The following FRMPD2 variants were observed in gnomAD, a reference collection of about 807,000 sequenced individuals.
The protein encoded by FRMPD2 is FERM and PDZ domain containing 2.
Under a neutral mutation model 140.1 loss-of-function variants are expected in FRMPD2, and 96 were observed. The observed-to-expected ratio is 0.69, with a 90% confidence interval of 0.58 to 0.81. The LOEUF is 0.81. FRMPD2 is among the 40% of genes least tolerant of loss of function. FRMPD2 has a pLI of 0.00. For missense variants in FRMPD2, 1,240 were observed against 1,447.4 expected (o/e 0.86, Z 2.32); for synonymous variants, 449 against 547.6 (o/e 0.82, Z 2.52).
intron 16 of FRMPD2, among the ~76,000 whole-genome samples, chr10:48,188,131 G>A (rs201551615): frequency 1.7e-4 from 26 of 152,160 alleles, no homozygotes; most frequent in East Asian, 7.7e-4. Context: ...AGCAGATTCC[G>A]CTTCCCTGGT....
intron 15 of FRMPD2, among the ~76,000 whole-genome samples, chr10:48,198,347 T>C (rs1433408219): frequency 6.6e-6 from 1 of 152,196 alleles, no homozygotes; most frequent in African/African-American, 2.4e-5. Context: ...ACTATGCTAT[T>C]CAATACAGTA....
chr10:48,184,942 G>A, intron 18 of FRMPD2, 61 bp from the exon 19 acceptor site: 1 of 1,315,570 alleles, frequency 7.6e-7, no homozygotes, highest in Non-Finnish European at 1.1e-6. Context: ...TGTTCAGAGA[G>A]GTTAGGTTAT....
At chr10:48,217,497 G>A (rs752365000) in intron 12 of FRMPD2, among the ~76,000 whole-genome samples, 5 of 152,132 alleles carry the variant, frequency 3.3e-5, no homozygotes, top group Admixed American at 6.5e-5. Context: ...TTTTCAAACC[G>A]CAGTCTGTAA....
At chr10:48,201,204 A>G (rs748949232) in intron 15 of FRMPD2, 24 bp downstream of exon 15, 1 of 1,564,918 alleles carries the variant, frequency 6.4e-7, no homozygotes, top group South Asian at 1.2e-5. Context: ...CAAAGTGTAT[A>G]TGGAGAATAC....
chr10:48,233,427 A>C (rs1056245168), intron 9 of FRMPD2, among the ~76,000 whole-genome samples: 1 of 152,190 alleles, frequency 6.6e-6, no homozygotes, highest in Non-Finnish European at 1.5e-5. Context: ...ATCAATATCT[A>C]GTAAAGCTTC....
chr10:48,187,326 G>A, intron 16 of FRMPD2, 34 bp from the exon 17 acceptor site: 1 of 1,588,832 alleles, frequency 6.3e-7, no homozygotes, highest in Non-Finnish European at 8.6e-7. Context: ...TAGATAAGGT[G>A]GCCCACGGGG....
chr10:48,196,094 C>T (rs549719767), intron 15 of FRMPD2, among the ~76,000 whole-genome samples: 4 of 152,048 alleles, frequency 2.6e-5, no homozygotes, highest in African/African-American at 7.2e-5. Flanking sequence ...GAGTTAGGAA[C>T]GTGCTGCAGG....
chr10:48,261,105 G>A (rs765324015), intron 1 of FRMPD2, among the ~76,000 whole-genome samples: 1 of 152,084 alleles, frequency 6.6e-6, no homozygotes, highest in African/African-American at 2.4e-5. Flanking sequence ...ATGGAAATGT[G>A]AAGAAAACAA....
intron 8 of FRMPD2, among the ~76,000 whole-genome samples, chr10:48,237,229 C>T (rs1051226896): frequency 6.6e-6 from 1 of 152,078 alleles, no homozygotes; most frequent in African/African-American, 2.4e-5. Context: ...CCTAGCAGGA[C>T]TCTTGTCCCA....
rs372356208 is a variant in FRMPD2 at position 48,251,571 on chromosome 10, C to T, written c.146G>A (p.Arg49His). 54 of 1,614,026 alleles carry T rather than the reference C, an allele frequency of 3.3e-5. No individual in the cohort carries two copies. Among genetic ancestry groups the T allele is most frequent in the Middle Eastern group, 1.6e-4 (1 of 6,084 alleles). Reference sequence around the variant, plus strand: ...GCCCCCAAACACTCTCTTACCGTTGCGGAGGTCTTCCAGGAGCTGCTCAGC... The same window carrying T: ...GCCCCCAAACACTCTCTTACCGTTGTGGAGGTCTTCCAGGAGCTGCTCAGC... Reference protein sequence around the residue: ...LAAEQLLEDLRNDSSDYVVCP... With the variant: ...LAAEQLLEDLHNDSSDYVVCP... The change falls in exon 2 of 29, where the codon CGC becomes CAC. Residue 49 changes from arginine (R) to histidine (H), a missense_variant. Around this residue, in one of 6 missense-constraint regions of FRMPD2, gnomAD observed 1,161 missense variants for 1,055.9 expected, o/e 1.10. Coordinates refer to ENST00000374201, the MANE Select transcript of FRMPD2 (RefSeq NM_001018071.4).
chr10:48,185,581 T>G lies in FRMPD2; in HGVS notation c.2331A>C (p.Thr777=). The part of the protein sequence containing the change: ...AEPGREIVRV[T]LKRDPHRGFG... ...AACCACGATGTGGGTCACGTTTCAG[T>G]GTCACACGTACAATTTCTCGGCCCG... The change falls in exon 18 of 29, where the codon ACA becomes ACC. Residue 777 remains threonine, a synonymous_variant. Coordinates refer to ENST00000374201, the MANE Select transcript of FRMPD2 (RefSeq NM_001018071.4). 3 of 1,614,108 alleles carry G rather than the reference T, an allele frequency of 1.9e-6. No individual in the cohort carries two copies. The highest frequency in any genetic ancestry group is 2.5e-6 in the Non-Finnish European group (3 of 1,179,948).
Position 48,239,600 on chromosome 10 carries a change from C to T in FRMPD2, c.788+5G>A, listed in dbSNP as rs371875629. 1.9e-6 allele frequency: 3 copies of T among 1,612,470 alleles called. No homozygotes were observed. In the South Asian group the frequency reaches 3.3e-5, roughly 18 times the overall value. ...TCACAGCACCCTTTAGGCCTTGCTG[C>T]TTACCGGTTAACAAGGAGGCTGCAG... On this transcript the variant is annotated splice_donor_5th_base_variant and intron_variant, in intron 7 of 28. Transcript: ENST00000374201.
intron 4 of FRMPD2, among the ~76,000 whole-genome samples, chr10:48,243,654 C>T (rs143757125): frequency 9.2e-5 from 14 of 152,296 alleles, no homozygotes; most frequent in East Asian, 3.9e-4. Context: ...AGGTGTGTCT[C>T]ACTGAGAAGT....
intron 10 of FRMPD2, among the ~76,000 whole-genome samples, chr10:48,226,787 G>A (rs1839732106): frequency 6.6e-6 from 1 of 152,186 alleles, no homozygotes; most frequent in Non-Finnish European, 1.5e-5. Flanking sequence ...TAATTTGGTG[G>A]AGTCTTCATC....
chr10:48,208,063 T>C (rs1839241878), intron 13 of FRMPD2, among the ~76,000 whole-genome samples: 1 of 151,316 alleles, frequency 6.6e-6, no homozygotes. Flanking sequence ...ATCATTATCA[T>C]CATCATCATC....
At chr10:48,183,605 C>G (rs1838601131) in intron 20 of FRMPD2, among the ~76,000 whole-genome samples, 2 of 151,980 alleles carry the variant, frequency 1.3e-5, no homozygotes, top group African/African-American at 2.4e-5. Flanking sequence ...AATCCCAGCA[C>G]TTTGGGAGGC....
Position 48,189,563 on chromosome 10 carries a change from A to T in FRMPD2, c.2166-2271T>A, listed in dbSNP as rs1227450520. On this transcript the variant is annotated intron_variant, in intron 16 of 28. Transcript: ENST00000374201. ...ACCCACATCTTTCCACACAGACCCC[A>T]TGTGGGCCACCTCTCCGCTGGCCTG... Among the ~76,000 whole-genome samples the T allele has an allele frequency of 4.6e-5, 7 of 152,170 alleles. No homozygotes were observed. The South Asian group carries it at 1.2e-3, about 27-fold the overall frequency.
intron 1 of FRMPD2, among the ~76,000 whole-genome samples, chr10:48,263,699 G>C (rs1840635068): frequency 6.6e-6 from 1 of 152,080 alleles, no homozygotes; most frequent in Admixed American, 6.5e-5. Context: ...GGATTTCACT[G>C]TTAAAGTCTA....
At chr10:48,254,874 G>A (rs1485119194) in intron 1 of FRMPD2, among the ~76,000 whole-genome samples, 1 of 152,208 alleles carries the variant, frequency 6.6e-6, no homozygotes, top group Non-Finnish European at 1.5e-5. Flanking sequence ...AGCACTTTAT[G>A]GGGCCTGTAA....
Sources: allele counts gnomAD v4.1 joint callset (sites outside exome capture counted in the v4.1 genomes callset), GRCh38; gene constraint gnomAD v4.1.1; regional missense constraint gnomAD v4.1.1; transcripts MANE v1.5; gene names NCBI Gene and HGNC (gene_info 2026-07-23, HGNC 2026-07-21).